The following SIPA1L2 variants were observed in gnomAD, a reference collection of about 807,000 sequenced individuals.
The protein encoded by SIPA1L2 is signal induced proliferation associated 1 like 2, also known as signal-induced proliferation-associated 1-like protein 2.
A neutral mutation model predicts 163.9 loss-of-function variants in SIPA1L2; 56 were observed. That is an observed-to-expected ratio of 0.34 (90% CI 0.28 to 0.43). The LOEUF is 0.43. Ranked by LOEUF, SIPA1L2 falls within the 20% of genes least tolerant of loss-of-function variation. The probability of loss-of-function intolerance (pLI) is 1.00; values close to 1 mark genes in which losing one functional copy is unlikely to be tolerated. For synonymous variants in SIPA1L2, 877 were observed against 865.7 expected, an observed-to-expected ratio of 1.01 and a Z score of -0.23; for missense variants, 1,974 against 2,193.5, an observed-to-expected ratio of 0.90 and a Z score of 2.00.
At chr1:232,629,482 G>A (rs1663256886) in intron 1 of SIPA1L2, among the ~76,000 whole-genome samples, 1 of 152,236 alleles carries the variant, frequency 6.6e-6, no homozygotes, top group South Asian at 2.1e-4. Flanking sequence ...AGCTGGCCAG[G>A]CGCGCCGGGG....
At chr1:232,404,557 G>A in intron 19 of SIPA1L2, among the ~76,000 whole-genome samples, 1 of 152,180 alleles carries the variant, frequency 6.6e-6, no homozygotes, top group East Asian at 1.9e-4. Context: ...GGCTCAGTAT[G>A]TATAGCAGTA....
At chr1:232,610,475 G>A (rs1310062453) in intron 1 of SIPA1L2, among the ~76,000 whole-genome samples, 1 of 152,248 alleles carries the variant, frequency 6.6e-6, no homozygotes, top group African/African-American at 2.4e-5. Flanking sequence ...AAGATGTAAA[G>A]AGGGAAATGT....
At position 232,399,015 on chromosome 1, in the gene SIPA1L2, G is replaced by C. The variant is rs555529270; in HGVS notation, c.*112C>G. ...GTGGTGAATGGTGCTACACAGAATG[G>C]AACAGCAAAAACATCTACGATTGGT... On this transcript the variant is annotated 3_prime_UTR_variant, in exon 23 of 23. Transcript: ENST00000674635. 2.7e-6 allele frequency: 4 copies of C among 1,459,006 alleles called. No individual in the cohort carries two copies. The highest frequency in any genetic ancestry group is 1.9e-5 in the Admixed American group (1 of 51,968). The allele number at this position is 1,459,006 out of a possible 1,614,324, so 90.4% of individuals were successfully genotyped here. A position where few individuals can be genotyped will look rare whatever the true frequency, so the allele number is the denominator to read the frequency against.
chr1:232,591,566 G>A (rs1397587403), intron 1 of SIPA1L2, among the ~76,000 whole-genome samples: 2 of 152,216 alleles, frequency 1.3e-5, no homozygotes, highest in African/African-American at 4.8e-5. Flanking sequence ...TAGCCATCTG[G>A]CACCTCTGCC....
At chr1:232,539,084 C>G (rs149334129) in intron 2 of SIPA1L2, among the ~76,000 whole-genome samples, 1 of 152,336 alleles carries the variant, frequency 6.6e-6, no homozygotes, top group Non-Finnish European at 1.5e-5. Flanking sequence ...AGAGTCTCCT[C>G]GTCAAGCAAA....
intron 9 of SIPA1L2, chr1:232,462,413 T>G: frequency 1.4e-6 from 2 of 1,443,652 alleles, no homozygotes; most frequent in Non-Finnish European, 1.8e-6. Context: ...CCTATGACAG[T>G]AAGTACAGCT....
At chr1:232,403,613 T>C in intron 20 of SIPA1L2, 42 bp from the exon 21 acceptor site, 1 of 1,582,526 alleles carries the variant, frequency 6.3e-7, no homozygotes, top group Non-Finnish European at 8.6e-7. Context: ...GGGTTAGTAA[T>C]CAATGCAAGG....
At chr1:232,413,747 G>A (rs1419378465) in intron 19 of SIPA1L2, among the ~76,000 whole-genome samples, 4 of 152,204 alleles carry the variant, frequency 2.6e-5, no homozygotes, top group African/African-American at 7.2e-5. Flanking sequence ...TCTCTTAAGA[G>A]ACAGGCATGA....
At chr1:232,481,437 G>T (rs1665351006) in intron 6 of SIPA1L2, among the ~76,000 whole-genome samples, 2 of 151,618 alleles carry the variant, frequency 1.3e-5, no homozygotes, top group African/African-American at 4.9e-5. Context: ...TCAGATTTAG[G>T]AAATTGCAAG....
chr1:232,432,403 T>C lies in SIPA1L2; in HGVS notation c.4100A>G (p.Lys1367Arg), dbSNP rs758113456. ...SKSSGSLDSS[K>R]VYIVSHSSGQ... The stretch of plus-strand genomic sequence containing the variant: ...GCTGCTGTGAGACACGATGTAGACT[T>C]TGGATGAATCCAGAGACCCACTACT... The change falls in exon 16 of 23, where the codon AAA (lysine) becomes AGA (arginine). Residue 1367 changes from lysine to arginine, a missense_variant. This residue lies in a region of SIPA1L2 where 1,079 missense variants were observed against 1,150.7 expected (regional missense o/e 0.94). Transcript: ENST00000674635. 3.1e-6 allele frequency: 5 copies of C among 1,614,100 alleles called. No homozygotes were observed. Among genetic ancestry groups the C allele is most frequent in the African/African-American group, 2.7e-5 (2 of 74,918 alleles).
chr1:232,429,693 T>C lies in SIPA1L2; in HGVS notation c.4257-1129A>G, dbSNP rs115250008. Among the ~76,000 whole-genome samples the C allele has an allele frequency of 2.2e-3, 327 of 150,296 alleles. 2 individuals are homozygous for C. The highest frequency in any genetic ancestry group is 7.9e-3 in the African/African-American group (323 of 41,020). The stretch of plus-strand genomic sequence containing the variant: ...TTTGTGGGATGGCATGACATAAAAA[T>C]GGGAGCTACAAGAAGAAACCAAGAC... On this transcript the variant is annotated intron_variant, in intron 16 of 22. Coordinates refer to ENST00000674635, the MANE Select transcript of SIPA1L2 (RefSeq NM_020808.5).
At chr1:232,550,204 A>C (rs1658293623) in intron 2 of SIPA1L2, among the ~76,000 whole-genome samples, 1 of 152,244 alleles carries the variant, frequency 6.6e-6, no homozygotes, top group South Asian at 2.1e-4. Context: ...TTCATTACTC[A>C]AAAGACCATC....
intron 1 of SIPA1L2, among the ~76,000 whole-genome samples, chr1:232,576,201 A>G (rs1268227207): frequency 2.0e-5 from 3 of 152,222 alleles, no homozygotes; most frequent in African/African-American, 7.2e-5. Context: ...TGCTTTGCAG[A>G]CACTGTGTCT....
intron 6 of SIPA1L2, among the ~76,000 whole-genome samples, chr1:232,480,134 C>T (rs1041104756): frequency 2.1e-5 from 3 of 144,056 alleles, no homozygotes; most frequent in Admixed American, 7.0e-5. Context: ...ATGGCCTGGC[C>T]GCATCTGTGT....
intron 7 of SIPA1L2, among the ~76,000 whole-genome samples, chr1:232,472,659 G>A (rs1664857437): frequency 6.6e-6 from 1 of 152,142 alleles, no homozygotes; most frequent in Non-Finnish European, 1.5e-5. Flanking sequence ...ACACAACTTG[G>A]TGATGTCATT....
intron 1 of SIPA1L2, among the ~76,000 whole-genome samples, chr1:232,591,744 C>T (rs1043893603): frequency 1.3e-5 from 2 of 152,342 alleles, no homozygotes; most frequent in East Asian, 3.9e-4. Context: ...GAGGAAAATG[C>T]TTCCGAGCCC....
intron 2 of SIPA1L2, among the ~76,000 whole-genome samples, chr1:232,569,980 C>T (rs778733174): frequency 1.3e-5 from 2 of 152,072 alleles, no homozygotes; most frequent in African/African-American, 2.4e-5. Flanking sequence ...GGGTGAAAGG[C>T]GGAAGGTAAA....
At chr1:232,537,030 A>G (rs789632) in intron 2 of SIPA1L2, among the ~76,000 whole-genome samples, 138,288 of 152,270 alleles carry the variant, frequency 0.91, 63,720 homozygotes, top group African/African-American at 0.98. Flanking sequence ...AAGCTCAGGA[A>G]TTCGAGACCA....
chr1:232,537,814 A>G (rs1657405754), intron 2 of SIPA1L2, among the ~76,000 whole-genome samples: 1 of 152,262 alleles, frequency 6.6e-6, no homozygotes, highest in South Asian at 2.1e-4. Context: ...GGTAAGGCTT[A>G]GAATAGTGCC....
Sources: allele counts gnomAD v4.1 joint callset (sites outside exome capture counted in the v4.1 genomes callset), GRCh38; gene constraint gnomAD v4.1.1; regional missense constraint gnomAD v4.1.1; transcripts MANE v1.5; gene names NCBI Gene and HGNC (gene_info 2026-07-23, HGNC 2026-07-21).